MACROH2A2: variants seen among roughly 807,000 people sequenced by gnomAD.
MACROH2A2 encodes the protein macroH2A.2 histone, also known as core histone macro-H2A.2.
Under a neutral mutation model 37.6 loss-of-function variants are expected in MACROH2A2, and 6 were observed. That is an observed-to-expected ratio of 0.16 (90% CI 0.09 to 0.32). The LOEUF (loss-of-function observed/expected upper bound fraction) is 0.32, where lower values mean the gene tolerates loss of function less well. MACROH2A2 is among the 10% of genes least tolerant of loss of function. The probability of loss-of-function intolerance (pLI) is 1.00; values close to 1 mark genes in which losing one functional copy is unlikely to be tolerated. For synonymous variants in MACROH2A2, 192 were observed against 202.7 expected, an observed-to-expected ratio of 0.95 and a Z score of 0.45; for missense variants, 290 against 485.9, an observed-to-expected ratio of 0.60 and a Z score of 3.79.
Position 70,093,767 on chromosome 10 carries a change from T to A in MACROH2A2, c.510T>A (p.Thr170=). The change falls in exon 5 of 9, where the codon ACT becomes ACA. Residue 170 remains threonine, a synonymous_variant. Coordinates refer to ENST00000373255, the MANE Select transcript of MACROH2A2 (RefSeq NM_018649.3). ...SKPKDSDKEG[T]SNSTSEDGPG... ...CAAAGGACAGCGATAAAGAAGGAACTTCAAATTCCACCTCTGAAGATGGGC... is the reference window on the plus strand; with the variant it reads ...CAAAGGACAGCGATAAAGAAGGAACATCAAATTCCACCTCTGAAGATGGGC... The A allele has an allele frequency of 6.2e-7, 1 of 1,611,784 alleles. No homozygotes were observed. Among genetic ancestry groups the A allele is most frequent in the Non-Finnish European group, 8.5e-7 (1 of 1,177,830 alleles).
chr10:70,097,571 T>A (rs545667719), intron 6 of MACROH2A2, among the ~76,000 whole-genome samples: 1 of 152,184 alleles, frequency 6.6e-6, no homozygotes. Context: ...AAAAGTATAA[T>A]GAAACCCTAT....
chr10:70,071,129 G>C (rs1441721303), intron 1 of MACROH2A2, among the ~76,000 whole-genome samples: 3 of 152,130 alleles, frequency 2.0e-5, no homozygotes, highest in South Asian at 4.1e-4. Context: ...TGCCCTTGTG[G>C]TGTTTGTACT....
rs546535184 is a variant in MACROH2A2, at chr10:70,084,564, T to C, written c.173-5496T>C. Among the ~76,000 whole-genome samples, 5 of 152,290 alleles carry C rather than the reference T, an allele frequency of 3.3e-5. No individual in the cohort carries two copies. The South Asian group carries it at 8.3e-4, about 25-fold the overall frequency. ...GCCTTGGTAACAGAGCAAGACTCCG[T>C]CTCTAAATATAAAAAAGTGTCTTGA... is the stretch of plus-strand genomic sequence containing the variant. On this transcript the variant is annotated intron_variant, in intron 2 of 8. Transcript: ENST00000373255.
rs2072346955 is a variant in MACROH2A2, at chr10:70,107,837, C to CAT, written c.779-1194_779-1193dup. On this transcript the variant is annotated intron_variant, in intron 7 of 8. Transcript: ENST00000373255. The surrounding 1 kb of genome is among the most constrained non-coding windows in gnomAD (Gnocchi z 4.4). ...ATAGAAGGTCCTAAAATCACATAAG[C>CAT]ATAAGCCCCTGCACCAGACCTACTG... is the stretch of plus-strand genomic sequence containing the variant. Among the ~76,000 whole-genome samples the CAT allele has an allele frequency of 6.6e-6, 1 of 152,166 alleles. No individual in the cohort carries two copies. Among genetic ancestry groups the CAT allele is most frequent in the Non-Finnish European group, 1.5e-5 (1 of 68,034 alleles).
At position 70,091,892 on chromosome 10, in the gene MACROH2A2, G is replaced by A. The variant is rs148101517; in HGVS notation, c.415G>A (p.Ala139Thr). Residue 139 changes from alanine (A) to threonine (T), a missense_variant, in exon 4 of 9, where the codon GCC (alanine) becomes ACC (threonine). By Grantham distance (58) the Ala-to-Thr change is moderately conservative (BLOSUM62 0). This residue lies in a region of MACROH2A2 where 77 missense variants were observed against 68.9 expected (regional missense o/e 1.12). Coordinates refer to ENST00000373255, the MANE Select transcript of MACROH2A2 (RefSeq NM_018649.3). ...SPPPEKRGRK[A>T]TSGKKGGKKS... ...ACCCCCAGAGAAAAGAGGCAGGAAG[G>A]CCACGTCAGGCAAGAAGGGGGGGAA... The A allele has an allele frequency of 3.7e-6, 6 of 1,614,074 alleles. No homozygotes were observed. Among genetic ancestry groups the A allele is most frequent in the Non-Finnish European group, 5.1e-6 (6 of 1,180,006 alleles).
intron 1 of MACROH2A2, among the ~76,000 whole-genome samples, chr10:70,061,110 G>A (rs1281223087): frequency 6.6e-6 from 1 of 152,190 alleles, no homozygotes; most frequent in African/African-American, 2.4e-5. Context: ...AAGGGCATGT[G>A]CTAAGGGGTT....
intron 1 of MACROH2A2, among the ~76,000 whole-genome samples, chr10:70,060,342 C>T (rs1376532240): frequency 6.6e-6 from 1 of 151,746 alleles, no homozygotes; most frequent in Non-Finnish European, 1.5e-5. Context: ...TGCACTCCAG[C>T]CTGGGCGACA....
chr10:70,088,769 T>C (rs2136633804), intron 2 of MACROH2A2, among the ~76,000 whole-genome samples: 1 of 152,312 alleles, frequency 6.6e-6, no homozygotes, highest in South Asian at 2.1e-4. Context: ...CATCCACTTT[T>C]CTTTTAGGAC....
At chr10:70,083,354 C>T (rs1399446964) in intron 2 of MACROH2A2, among the ~76,000 whole-genome samples, 3 of 152,226 alleles carry the variant, frequency 2.0e-5, no homozygotes, top group African/African-American at 7.2e-5. Flanking sequence ...CCACTCTTCT[C>T]TCCCACCCAA....
At position 70,053,686 on chromosome 10, in the gene MACROH2A2, G is replaced by T. The variant is rs1204224045; in HGVS notation, c.-60+686G>T. On this transcript the variant is annotated intron_variant, in intron 1 of 8. Transcript: ENST00000373255. This position sits in a 1 kb window ranked among gnomAD's most constrained non-coding sequence, Gnocchi z 4.8. ...GGGCGTGCGCCCCGGGGCCGGCGCG[G>T]AAGAGGGCGCGAGGCCGGGCACTCC... is the stretch of plus-strand genomic sequence containing the variant. Among the ~76,000 whole-genome samples, 1 of 151,376 alleles carries T rather than the reference G, an allele frequency of 6.6e-6. No homozygotes were observed. The highest frequency in any genetic ancestry group is 2.4e-5 in the African/African-American group (1 of 41,340).
Position 70,111,811 on chromosome 10 carries a change from A to C in MACROH2A2, c.*128A>C, listed in dbSNP as rs2072377491. 1.4e-6 allele frequency: 1 copy of C among 713,376 alleles called. No homozygotes were observed. Among genetic ancestry groups the C allele is most frequent in the East Asian group, 3.1e-5 (1 of 31,802 alleles). The allele number at this position is 713,376 out of a possible 1,614,324, so 44.2% of individuals were successfully genotyped here. On this transcript the variant is annotated 3_prime_UTR_variant, in exon 9 of 9. Coordinates refer to ENST00000373255, the MANE Select transcript of MACROH2A2 (RefSeq NM_018649.3). Reference sequence around the variant, plus strand: ...GTGGCCGGGCAGGTCCTGCCGGCGCAGGGAGCCCTCTGCCCTTCACACTCT... The same window carrying C: ...GTGGCCGGGCAGGTCCTGCCGGCGCCGGGAGCCCTCTGCCCTTCACACTCT...
intron 6 of MACROH2A2, among the ~76,000 whole-genome samples, chr10:70,097,413 G>C (rs1466376561): frequency 1.3e-5 from 2 of 152,138 alleles, no homozygotes; most frequent in East Asian, 3.8e-4. Flanking sequence ...TTTTATTGCT[G>C]CTGTGTTAGG....
intron 2 of MACROH2A2, among the ~76,000 whole-genome samples, chr10:70,077,071 G>A (rs1304193613): frequency 6.6e-6 from 1 of 152,104 alleles, no homozygotes; most frequent in Non-Finnish European, 1.5e-5. Context: ...GTTGGGGAGA[G>A]CTGGAGGGCT....
At chr10:70,063,566 T>A (rs1394856852) in intron 1 of MACROH2A2, among the ~76,000 whole-genome samples, 4 of 152,222 alleles carry the variant, frequency 2.6e-5, no homozygotes, top group African/African-American at 7.2e-5. Flanking sequence ...TATTACTCAA[T>A]TATAAAACAG....
chr10:70,088,305 C>G (rs570468355), intron 2 of MACROH2A2, among the ~76,000 whole-genome samples: 221 of 152,302 alleles, frequency 1.5e-3, no homozygotes, highest in African/African-American at 5.1e-3. Context: ...ACACTTTCCC[C>G]CCTCATTATC....
At chr10:70,078,469 C>CA (rs2072153876) in intron 2 of MACROH2A2, among the ~76,000 whole-genome samples, 2 of 152,320 alleles carry the variant, frequency 1.3e-5, no homozygotes, top group Admixed American at 1.3e-4. Context: ...TTCTCTCCCC[C>CA]AAAGGCAGGC....
chr10:70,058,765 C>T (rs978524368), intron 1 of MACROH2A2, among the ~76,000 whole-genome samples: 2 of 152,070 alleles, frequency 1.3e-5, no homozygotes, highest in African/African-American at 4.8e-5. Context: ...ACCCCAATAG[C>T]TTATACAATA....
intron 1 of MACROH2A2, among the ~76,000 whole-genome samples, chr10:70,073,818 ATCT>A (rs1440206332): frequency 2.6e-5 from 4 of 152,166 alleles, no homozygotes; most frequent in Admixed American, 6.5e-5. Flanking sequence ...TTCATTTAAT[ATCT>A]TCTTCTGTCA....
chr10:70,074,302 C>T (rs2072127729), intron 1 of MACROH2A2, among the ~76,000 whole-genome samples: 1 of 152,194 alleles, frequency 6.6e-6, no homozygotes, highest in Non-Finnish European at 1.5e-5. Context: ...CCTCTTTGTG[C>T]TGACTGTGAA....
Sources: allele counts gnomAD v4.1 joint callset (sites outside exome capture counted in the v4.1 genomes callset), GRCh38; gene constraint gnomAD v4.1.1; regional missense constraint gnomAD v4.1.1; non-coding constraint Gnocchi (gnomAD v3.1); transcripts MANE v1.5; gene names NCBI Gene and HGNC (gene_info 2026-07-23, HGNC 2026-07-21).